The following LRTM3 variants were observed in gnomAD, a reference collection of about 807,000 sequenced individuals.
LRTM3 encodes leucine-rich repeat transmembrane protein 3.
chr13:102,741,675 A>G, the LRTM3 span: 2 of 1,550,272 alleles, frequency 1.3e-6, no homozygotes, highest in South Asian at 2.4e-5. Context: ...GAAGTATCCA[A>G]CTCTGTAAAA....
the LRTM3 span, chr13:102,750,135 C>T: frequency 7.7e-6 from 12 of 1,550,988 alleles, no homozygotes; most frequent in African/African-American, 1.4e-5. Flanking sequence ...TGTATTGTTT[C>T]ATATTCTCTG....
At chr13:102,745,670 A>G in the LRTM3 span, 1 of 1,551,068 alleles carries the variant, frequency 6.4e-7, no homozygotes. Flanking sequence ...GGAACCAAAA[A>G]TCGCTGTCTC....
the LRTM3 span, among the ~76,000 whole-genome samples, chr13:102,755,219 C>T: frequency 6.6e-6 from 1 of 151,588 alleles, no homozygotes; most frequent in Non-Finnish European, 1.5e-5. Context: ...CTCTCTGCCC[C>T]CCCAGCTACC....
chr13:102,729,736 AC>A, the LRTM3 span: 1 of 1,551,962 alleles, frequency 6.4e-7, no homozygotes, highest in Non-Finnish European at 8.7e-7. Context: ...TGCTTTGGAA[AC>A]AATCCAATCT....
At chr13:102,746,766 T>C in the LRTM3 span, 1 of 1,551,268 alleles carries the variant, frequency 6.4e-7, no homozygotes, top group Non-Finnish European at 8.7e-7. Flanking sequence ...CCCATTTCTC[T>C]TGTATCACTT....
the LRTM3 span, chr13:102,729,714 CT>C: frequency 6.4e-7 from 1 of 1,552,010 alleles, no homozygotes; most frequent in Non-Finnish European, 8.7e-7. Flanking sequence ...GGTTTTGATG[CT>C]GATTTATGTT....
At chr13:102,731,791 C>A in the LRTM3 span, 1 of 1,550,730 alleles carries the variant, frequency 6.4e-7, no homozygotes, top group South Asian at 1.2e-5. Context: ...TTTGTGTGGT[C>A]ATGTCCCATA....
At chr13:102,751,467 C>T in the LRTM3 span, among the ~76,000 whole-genome samples, 1 of 151,544 alleles carries the variant, frequency 6.6e-6, no homozygotes, top group Admixed American at 6.6e-5. Context: ...TTCTTTGGTC[C>T]CATCCCAGCA....
chr13:102,748,660 A>G, the LRTM3 span: 1 of 1,550,614 alleles, frequency 6.4e-7, no homozygotes, highest in Non-Finnish European at 8.7e-7. Context: ...TATGGAGATC[A>G]AATGGTTTTT....
chr13:102,756,637 G>C, the LRTM3 span, among the ~76,000 whole-genome samples: 2 of 122,180 alleles, frequency 1.6e-5, no homozygotes, highest in Non-Finnish European at 3.2e-5. Flanking sequence ...TCATGCCATT[G>C]CTCTCCAGCC....
the LRTM3 span, chr13:102,749,550 C>T: frequency 6.4e-7 from 1 of 1,551,422 alleles, no homozygotes; most frequent in South Asian, 1.2e-5. Flanking sequence ...AGGCCCTTTA[C>T]TGAATATTTT....
the LRTM3 span, chr13:102,732,048 TTTG>T: frequency 1.9e-6 from 3 of 1,551,298 alleles, no homozygotes; most frequent in Non-Finnish European, 2.6e-6. Flanking sequence ...AGTTTCTGCA[TTTG>T]TTGTTTGTCC....
the LRTM3 span, chr13:102,740,872 C>A: frequency 9.0e-6 from 14 of 1,549,936 alleles, 1 homozygote; most frequent in Middle Eastern, 1.7e-4. Context: ...GAAGTACGTC[C>A]ATTAAAGAGT....
At chr13:102,745,748 G>T in the LRTM3 span, 2 of 1,551,068 alleles carry the variant, frequency 1.3e-6, no homozygotes, top group Non-Finnish European at 1.7e-6. Context: ...ACCTTCTCTT[G>T]CATAAAATAT....
At chr13:102,747,036 C>A in the LRTM3 span, 1 of 1,551,092 alleles carries the variant, frequency 6.4e-7, no homozygotes, top group Non-Finnish European at 8.7e-7. Flanking sequence ...GCATCAAGTC[C>A]AAGGTTGCAG....
chr13:102,747,484 C>A, the LRTM3 span: 1 of 1,548,846 alleles, frequency 6.5e-7, no homozygotes, highest in Middle Eastern at 1.7e-4. Context: ...TTTTAATTTC[C>A]TGCCTTTTAA....
chr13:102,746,598 C>T, the LRTM3 span: 1 of 1,551,076 alleles, frequency 6.4e-7, no homozygotes, highest in Non-Finnish European at 8.7e-7. Context: ...TTTGTATTTA[C>T]ACATTTGGGC....
the LRTM3 span, chr13:102,736,576 G>A: frequency 5.2e-6 from 8 of 1,551,036 alleles, no homozygotes; most frequent in Non-Finnish European, 7.0e-6. Flanking sequence ...CTTTTATTGA[G>A]TCTAACTCAA....
the LRTM3 span, chr13:102,744,552 C>A: frequency 6.4e-7 from 1 of 1,550,438 alleles, no homozygotes; most frequent in Non-Finnish European, 8.7e-7. Flanking sequence ...AAAACAGTTT[C>A]TCTAAAGTGT....
Sources: gnomAD v4.1 joint callset for allele counts (sites outside exome capture counted in the v4.1 genomes callset) on GRCh38, gnomAD v4.1.1 for gene constraint, MANE v1.5 for transcripts, NCBI Gene and HGNC (gene_info 2026-07-23, HGNC 2026-07-21) for gene names.